MS4A6E: variants seen among roughly 807,000 people sequenced by gnomAD.
MS4A6E encodes membrane spanning 4-domains A6E, also known as membrane-spanning 4-domains subfamily A member 6E.
A neutral mutation model predicts 13.2 loss-of-function variants in MS4A6E; 8 were observed. That is an observed-to-expected ratio of 0.60 (90% CI 0.35 to 1.09). The LOEUF (loss-of-function observed/expected upper bound fraction) is 1.09. MS4A6E is among the 50% of genes least tolerant of loss of function. The pLI is 0.02. For missense variants in MS4A6E, 177 were observed against 171.1 expected, an observed-to-expected ratio of 1.03 and a Z score of -0.19; for synonymous variants, 72 against 67.6, an observed-to-expected ratio of 1.06 and a Z score of -0.32.
chr11:60,328,768 AG>A (rs1554997033), intron 1 of MS4A6E, among the ~76,000 whole-genome samples: 1 of 58,492 alleles, frequency 1.7e-5, no homozygotes, highest in South Asian at 3.2e-4. Flanking sequence ...GGGTAGAAGA[AG>A]AGAGAGAGAG....
chr11:60,329,703 T>C (rs1321088681), intron 1 of MS4A6E, among the ~76,000 whole-genome samples: 2 of 152,210 alleles, frequency 1.3e-5, no homozygotes, highest in East Asian at 3.8e-4. Context: ...CATGAGATGG[T>C]ATCTATTGTG....
chr11:60,331,525 T>C (rs2085155796), intron 1 of MS4A6E, among the ~76,000 whole-genome samples: 1 of 152,200 alleles, frequency 6.6e-6, no homozygotes, highest in African/African-American at 2.4e-5. Context: ...TTTCATATAA[T>C]GCCCCATATC....
chr11:60,346,339 C>T (rs1158342895), downstream of MS4A6E, among the ~76,000 whole-genome samples: 1 of 152,216 alleles, frequency 6.6e-6, no homozygotes, highest in Admixed American at 6.5e-5. Flanking sequence ...TCCTCTCTTT[C>T]TCTTGGGCAT....
At chr11:60,342,169 GTGTGTGTGTGAGAGAGAGAGAGAGAGA>G (rs1193067504), downstream of MS4A6E, among the ~76,000 whole-genome samples, 17 of 34,950 alleles carry the variant, frequency 4.9e-4, no homozygotes, top group African/African-American at 1.8e-3. Context: ...GTGTGTGTGT[GTGTGTGTGTGAGAGAGAGAGAGAGAGA>G]GAGAGGGGGG....
intron 2 of MS4A6E, 25 bp from the exon 3 acceptor site, chr11:60,337,716 T>C (rs752127876): frequency 6.2e-7 from 1 of 1,613,386 alleles, no homozygotes; most frequent in African/African-American, 1.3e-5. Context: ...TTGGGAATGA[T>C]TCTTACCCAG....
Position 60,335,015 on chromosome 11 carries a change from T to C in MS4A6E, c.120T>C (p.Arg40=), listed in dbSNP as rs1242530164. The change falls in exon 2 of 5, where the codon CGT becomes CGC. Residue 40 remains arginine (R), a synonymous_variant. Coordinates refer to ENST00000684409, the MANE Select transcript of MS4A6E (RefSeq NM_139249.4). ...AGGGGCAGGATAGCCTGAAGAAACG[T>C]CTACAGGCAAAAGTCAAAGTTATTG... The part of the protein sequence containing the change: ...TNQGQDSLKK[R]LQAKVKVIGV... 3 of 1,614,084 alleles carry C rather than the reference T, an allele frequency of 1.9e-6. No individual in the cohort carries two copies. Among genetic ancestry groups the C allele is most frequent in the Middle Eastern group, 1.6e-4 (1 of 6,062 alleles).
At chr11:60,342,151 G>C (rs2085229412), downstream of MS4A6E, among the ~76,000 whole-genome samples, 2 of 28,488 alleles carry the variant, frequency 7.0e-5, no homozygotes, top group African/African-American at 2.8e-4. Context: ...ACAAGTGTGT[G>C]TGTGTGTGTG....
At chr11:60,331,910 C>T (rs2085158479) in intron 1 of MS4A6E, among the ~76,000 whole-genome samples, 2 of 152,210 alleles carry the variant, frequency 1.3e-5, no homozygotes, top group South Asian at 4.1e-4. Context: ...AGAAGACAGA[C>T]ATCCTTGAAC....
At chr11:60,345,385 A>T (rs1388541342), downstream of MS4A6E, among the ~76,000 whole-genome samples, 1 of 152,216 alleles carries the variant, frequency 6.6e-6, no homozygotes, top group Non-Finnish European at 1.5e-5. Flanking sequence ...TGTAAGAGCT[A>T]TCAGTTCAGC....
At chr11:60,333,913 C>A (rs879382093) in intron 1 of MS4A6E, among the ~76,000 whole-genome samples, 1 of 152,156 alleles carries the variant, frequency 6.6e-6, no homozygotes, top group Non-Finnish European at 1.5e-5. Flanking sequence ...CAGGTGAGTG[C>A]AGAGCCAGGA....
At chr11:60,332,954 A>G (rs2085166465) in intron 1 of MS4A6E, among the ~76,000 whole-genome samples, 2 of 152,192 alleles carry the variant, frequency 1.3e-5, no homozygotes, top group Non-Finnish European at 2.9e-5. Context: ...AAGAGCCCAC[A>G]CGCTTCATTT....
chr11:60,338,686 A>G lies in MS4A6E; in HGVS notation c.354+739A>G, dbSNP rs2085204690. 2 of 152,358 alleles carry G rather than the reference A, an allele frequency of 1.3e-5. 1 individual carries two copies. The highest frequency in any genetic ancestry group is 4.2e-4 in the South Asian group (2 of 4,816). The allele number at this position is 152,358 out of a possible 1,614,324, so 9.4% of individuals were successfully genotyped here. ...ATTAAGGGGTATGTGCATGGCCAGCAACGCATTGAGAGGAAAACAGGCAAC... is the reference window on the plus strand; with the variant it reads ...ATTAAGGGGTATGTGCATGGCCAGCGACGCATTGAGAGGAAAACAGGCAAC... On this transcript the variant is annotated intron_variant, in intron 3 of 4. Transcript: ENST00000684409.
chr11:60,345,438 G>T (rs1339215773), downstream of MS4A6E, among the ~76,000 whole-genome samples: 2 of 152,208 alleles, frequency 1.3e-5, no homozygotes, highest in Non-Finnish European at 2.9e-5. Context: ...CACTTTGAAA[G>T]ACGTCATTTA....
chr11:60,338,369 C>G (rs1190164576), intron 3 of MS4A6E: 1 of 176,864 alleles, frequency 5.7e-6, no homozygotes, highest in Non-Finnish European at 1.2e-5. Context: ...TCAGTTTGGT[C>G]TAAAAAGACA....
At chr11:60,332,243 T>C (rs191983730) in intron 1 of MS4A6E, among the ~76,000 whole-genome samples, 4 of 152,362 alleles carry the variant, frequency 2.6e-5, no homozygotes, top group Non-Finnish European at 4.4e-5. Flanking sequence ...ATTCTCAGCC[T>C]AAATGTATTA....
downstream of MS4A6E, among the ~76,000 whole-genome samples, chr11:60,346,183 G>T (rs1269584373): frequency 6.6e-6 from 1 of 152,174 alleles, no homozygotes; most frequent in Non-Finnish European, 1.5e-5. Flanking sequence ...TCTGGACAGG[G>T]TCAAGGTGAC....
At chr11:60,344,208 G>A (rs992741593), downstream of MS4A6E, among the ~76,000 whole-genome samples, 1 of 152,190 alleles carries the variant, frequency 6.6e-6, no homozygotes, top group African/African-American at 2.4e-5. Context: ...AGACCACAGC[G>A]GGGAGTTATT....
chr11:60,338,075 A>G (rs972968729), intron 3 of MS4A6E, 128 bp downstream of exon 3: 41 of 850,562 alleles, frequency 4.8e-5, no homozygotes, highest in Middle Eastern at 6.4e-4. Context: ...GGCCAAGGTT[A>G]TGTAAATCAA....
chr11:60,333,727 A>G (rs1254616495), intron 1 of MS4A6E, among the ~76,000 whole-genome samples: 1 of 152,198 alleles, frequency 6.6e-6, no homozygotes, highest in Non-Finnish European at 1.5e-5. Flanking sequence ...TAGAACTAGA[A>G]ATGCCAGGGA....
Sources: allele counts gnomAD v4.1 joint callset (sites outside exome capture counted in the v4.1 genomes callset), GRCh38; gene constraint gnomAD v4.1.1; transcripts MANE v1.5; gene names NCBI Gene and HGNC (gene_info 2026-07-23, HGNC 2026-07-21).